The following RNGTT variants were observed in gnomAD, a reference collection of about 807,000 sequenced individuals.
RNGTT encodes the protein mRNA-capping enzyme.
A neutral mutation model predicts 79.3 loss-of-function variants in RNGTT; 33 were observed. The observed-to-expected ratio is 0.42, with a 90% confidence interval of 0.32 to 0.56. The LOEUF is 0.56. Ranked by LOEUF, RNGTT falls within the 20% of genes least tolerant of loss-of-function variation. The pLI, the probability that RNGTT is intolerant of heterozygous loss-of-function variation, is 0.17. For missense variants in RNGTT, 497 were observed against 739.1 expected (o/e 0.67, Z 3.80); for synonymous variants, 222 against 235.9 (o/e 0.94, Z 0.54).
At chr6:88,758,573 A>G (rs1230796463) in intron 13 of RNGTT, among the ~76,000 whole-genome samples, 11 of 152,232 alleles carry the variant, frequency 7.2e-5, no homozygotes, top group Non-Finnish European at 1.3e-4. Flanking sequence ...AGAATGTTCC[A>G]CATTTGGGAT....
chr6:88,877,975 CCAGAGGTATGACA>C (rs1782570012), intron 8 of RNGTT, among the ~76,000 whole-genome samples: 1 of 151,922 alleles, frequency 6.6e-6, no homozygotes, highest in African/African-American at 2.4e-5. Flanking sequence ...TTGGTTATCA[CCAGAGGTATGACA>C]CTAAACATTA....
At position 88,875,639 on chromosome 6, in the gene RNGTT, G is replaced by A. The variant is rs1040472974; in HGVS notation, c.896+14856C>T. On this transcript the variant is annotated intron_variant, in intron 8 of 15. Transcript: ENST00000369485. ...CTTGAAAAAGCTACTTATTCACAAT[G>A]CTATCTTACAGCGTTGTGAGTATTA... 3.3e-5 allele frequency among the ~76,000 whole-genome samples: 5 copies of A among 152,060 alleles called. 1 individual carries two copies. In the South Asian group the frequency reaches 6.2e-4, roughly 19 times the overall value.
intron 12 of RNGTT, among the ~76,000 whole-genome samples, chr6:88,781,178 A>G (rs1779052167): frequency 6.6e-6 from 1 of 152,198 alleles, no homozygotes; most frequent in Non-Finnish European, 1.5e-5. Flanking sequence ...CTACTAACGT[A>G]ATTATTTTAA....
chr6:88,856,528 A>G (rs1781850712), intron 8 of RNGTT, among the ~76,000 whole-genome samples: 2 of 152,200 alleles, frequency 1.3e-5, no homozygotes, highest in African/African-American at 4.8e-5. Context: ...AACAGATTTA[A>G]AAGACTAAGG....
At chr6:88,648,580 C>A (rs950725203) in intron 14 of RNGTT, among the ~76,000 whole-genome samples, 1 of 152,088 alleles carries the variant, frequency 6.6e-6, no homozygotes, top group African/African-American at 2.4e-5. Context: ...GCCTCTTGTA[C>A]CCCAGGCGAA....
chr6:88,666,761 T>C (rs1774427995), intron 14 of RNGTT, among the ~76,000 whole-genome samples: 1 of 152,190 alleles, frequency 6.6e-6, no homozygotes, highest in Non-Finnish European at 1.5e-5. Context: ...GGATATGCAG[T>C]GGTAAACCTT....
intron 14 of RNGTT, among the ~76,000 whole-genome samples, chr6:88,622,380 T>G (rs1209166462): frequency 6.6e-6 from 1 of 152,160 alleles, no homozygotes; most frequent in African/African-American, 2.4e-5. Context: ...GTATTTACTA[T>G]GATGACTATC....
At position 88,645,955 on chromosome 6, in the gene RNGTT, C is replaced by T. The variant is rs531775254; in HGVS notation, c.1507-31560G>A. 2.1e-3 allele frequency among the ~76,000 whole-genome samples: 324 copies of T among 152,160 alleles called. 4 individuals are homozygous for T. Among genetic ancestry groups the T allele is most frequent in the African/African-American group, 6.9e-3 (287 of 41,540 alleles). On this transcript the variant is annotated intron_variant, in intron 14 of 15. Transcript: ENST00000369485. ...GACATAGGCATGGGCAAGGACTTCACGTCTAAAACACCAAAAGCAATGGCA... is the reference window on the plus strand; with the variant it reads ...GACATAGGCATGGGCAAGGACTTCATGTCTAAAACACCAAAAGCAATGGCA...
intron 11 of RNGTT, among the ~76,000 whole-genome samples, chr6:88,832,493 C>A (rs1337052702): frequency 6.6e-6 from 1 of 152,110 alleles, no homozygotes; most frequent in Non-Finnish European, 1.5e-5. Flanking sequence ...GTAAGAAAAC[C>A]TAGGCAATAC....
At chr6:88,726,860 A>T (rs1183339163) in intron 13 of RNGTT, among the ~76,000 whole-genome samples, 2 of 152,350 alleles carry the variant, frequency 1.3e-5, no homozygotes, top group Non-Finnish European at 2.9e-5. Context: ...GTTTTCAACA[A>T]AAGTAAAGTT....
chr6:88,904,853 T>C lies in RNGTT; in HGVS notation c.546A>G (p.Glu182=). ...ELFRRYGDIE[E]APPPPLLPDW... ...CTGGCAATAGAGGTGGGGGTGGTGCTTCCTCTATGTCACCATACCGACGAA... is the reference window on the plus strand; with the variant it reads ...CTGGCAATAGAGGTGGGGGTGGTGCCTCCTCTATGTCACCATACCGACGAA... Residue 182 remains glutamate (E), a synonymous_variant, in exon 6 of 16, where the codon GAA becomes GAG. Coordinates refer to ENST00000369485, the MANE Select transcript of RNGTT (RefSeq NM_003800.5). The C allele has an allele frequency of 6.2e-7, 1 of 1,614,164 alleles. No homozygotes were observed. Among genetic ancestry groups the C allele is most frequent in the Non-Finnish European group, 8.5e-7 (1 of 1,180,036 alleles).
At chr6:88,797,591 T>C (rs565181832) in intron 12 of RNGTT, among the ~76,000 whole-genome samples, 5 of 152,042 alleles carry the variant, frequency 3.3e-5, no homozygotes, top group Non-Finnish European at 7.4e-5. Flanking sequence ...AAGTAAACAG[T>C]TCTTTTGGAG....
At chr6:88,646,288 A>G (rs1189696920) in intron 14 of RNGTT, among the ~76,000 whole-genome samples, 1 of 152,242 alleles carries the variant, frequency 6.6e-6, no homozygotes, top group Non-Finnish European at 1.5e-5. Flanking sequence ...CAAAACCACA[A>G]TGATATATCA....
intron 11 of RNGTT, among the ~76,000 whole-genome samples, chr6:88,805,690 T>C (rs545922037): frequency 1.3e-5 from 2 of 152,218 alleles, no homozygotes; most frequent in East Asian, 3.9e-4. Context: ...AGGTTCTGCT[T>C]AATACTAAGG....
intron 13 of RNGTT, among the ~76,000 whole-genome samples, chr6:88,754,764 A>T (rs1777951864): frequency 6.6e-6 from 1 of 152,154 alleles, no homozygotes; most frequent in Non-Finnish European, 1.5e-5. Context: ...CACAAACAAT[A>T]TCATGAGTGA....
chr6:88,810,335 T>A (rs565861436), intron 11 of RNGTT, among the ~76,000 whole-genome samples: 27 of 152,306 alleles, frequency 1.8e-4, no homozygotes, highest in Admixed American at 1.4e-3. Flanking sequence ...ATGGAAGTTG[T>A]ATCAAAGCAG....
chr6:88,723,564 C>T (rs1776777847), intron 13 of RNGTT, among the ~76,000 whole-genome samples: 1 of 151,782 alleles, frequency 6.6e-6, no homozygotes, highest in Admixed American at 6.6e-5. Flanking sequence ...TGTCACCAGC[C>T]CCAGATAGTC....
intron 14 of RNGTT, among the ~76,000 whole-genome samples, chr6:88,636,363 T>C (rs1346292317): frequency 6.6e-6 from 1 of 152,042 alleles, no homozygotes; most frequent in Non-Finnish European, 1.5e-5. Flanking sequence ...ATCACCCTTG[T>C]AGTAAACTAG....
intron 13 of RNGTT, among the ~76,000 whole-genome samples, chr6:88,732,031 T>C (rs1777133193): frequency 6.6e-6 from 1 of 152,114 alleles, no homozygotes. Flanking sequence ...ATCATCTTCA[T>C]GTCAAGTAGG....
Sources: gnomAD v4.1 joint callset for allele counts (sites outside exome capture counted in the v4.1 genomes callset) on GRCh38, gnomAD v4.1.1 for gene constraint, MANE v1.5 for transcripts, NCBI Gene and HGNC (gene_info 2026-07-23, HGNC 2026-07-21) for gene names.